MGAT3: variants seen among roughly 807,000 people sequenced by gnomAD.
MGAT3 encodes GlcNAc-T III.
A neutral mutation model predicts 29.8 loss-of-function variants in MGAT3; 9 were observed. The ratio of observed to expected loss-of-function variants is 0.30; its 90% CI spans 0.18 to 0.53. The LOEUF is 0.53. MGAT3 is among the 20% of genes least tolerant of loss of function. MGAT3 has a pLI of 0.96. For synonymous variants in MGAT3, 397 were observed against 348.9 expected (o/e 1.14, Z -1.54); for missense variants, 557 against 769.5 (o/e 0.72, Z 3.27).
Position 39,457,261 on chromosome 22 carries a change from G to A in MGAT3, c.-298G>A, listed in dbSNP as rs1371936324. 6.9e-6 allele frequency: 1 copy of A among 145,320 alleles called. No individual in the cohort carries two copies. The highest frequency in any genetic ancestry group is 2.0e-4 in the East Asian group (1 of 4,974). 9.0% of individuals were successfully genotyped at this position (145,320 alleles called of 1,614,324 possible). A position where few individuals can be genotyped will look rare whatever the true frequency, so the allele number is the denominator to read the frequency against. The stretch of plus-strand genomic sequence containing the variant: ...TCCGCGCCCCCCGCGCGCCCGCCGC[G>A]GTCCCTCCCCCGCGCCCGTCCGCTC... On this transcript the variant is annotated 5_prime_UTR_variant, in exon 1 of 2. Transcript: ENST00000341184. The surrounding 1 kb of genome is among the most constrained non-coding windows in gnomAD (Gnocchi z 6.8).
At chr22:39,472,671 G>A (rs1336289719) in intron 1 of MGAT3, 2 of 152,428 alleles carry the variant, frequency 1.3e-5, no homozygotes, top group Non-Finnish European at 2.9e-5. Flanking sequence ...GGAGACTGAG[G>A]CTGGAGAGGT....
intron 1 of MGAT3, among the ~76,000 whole-genome samples, chr22:39,465,819 C>G (rs1263889404): frequency 6.6e-6 from 1 of 151,754 alleles, no homozygotes; most frequent in African/African-American, 2.4e-5. Context: ...GTAATCTCAG[C>G]TACTCGGGAG....
Position 39,476,108 on chromosome 22 carries a change from C to T in MGAT3, c.-1-11239C>T, listed in dbSNP as rs978668319. ...TTGCCGGCCACTCCGTGGGAAAGTCCTCAGGCAGCCTGCAGGGAGCTGGGA... is the reference window on the plus strand; with the variant it reads ...TTGCCGGCCACTCCGTGGGAAAGTCTTCAGGCAGCCTGCAGGGAGCTGGGA... On this transcript the variant is annotated intron_variant, in intron 1 of 1. Coordinates refer to ENST00000341184, the MANE Select transcript of MGAT3 (RefSeq NM_002409.5). Among the ~76,000 whole-genome samples the T allele has an allele frequency of 3.3e-5, 5 of 151,732 alleles. No individual in the cohort carries two copies. The East Asian group carries it at 7.8e-4, about 24-fold the overall frequency.
Position 39,488,526 on chromosome 22 carries a change from A to G in MGAT3, c.1179A>G (p.Arg393=), listed in dbSNP as rs371172729. 14 of 1,613,260 alleles carry G rather than the reference A, an allele frequency of 8.7e-6. No homozygotes were observed. Among genetic ancestry groups the G allele is most frequent in the Non-Finnish European group, 1.2e-5 (14 of 1,180,010 alleles). Residue 393 remains arginine (R), a synonymous_variant, in exon 2 of 2, where the codon AGA becomes AGG. Transcript: ENST00000341184. ...RRQYYTMPNF[R]QYENRTGHIL... The stretch of plus-strand genomic sequence containing the variant: ...AGTACTACACCATGCCCAACTTCAG[A>G]CAGTATGAGAACCGCACCGGCCACA...
chr22:39,483,481 G>A (rs1040598913), intron 1 of MGAT3, among the ~76,000 whole-genome samples: 22 of 149,146 alleles, frequency 1.5e-4, no homozygotes, highest in African/African-American at 3.7e-4. Flanking sequence ...GCAAAACTCC[G>A]TCTCAAAAAA....
intron 1 of MGAT3, among the ~76,000 whole-genome samples, chr22:39,475,184 C>G (rs1386633493): frequency 2.1e-5 from 3 of 143,796 alleles, no homozygotes; most frequent in Non-Finnish European, 4.5e-5. Context: ...CAAAATCTTG[C>G]GAGGAGCTCA....
intron 1 of MGAT3, among the ~76,000 whole-genome samples, chr22:39,469,446 C>T (rs1435693532): frequency 6.6e-6 from 1 of 152,166 alleles, no homozygotes; most frequent in Non-Finnish European, 1.5e-5. Context: ...CCTCGCTGTC[C>T]CTCACTCCGT....
rs200714319 is a variant in MGAT3 at position 39,487,600 on chromosome 22, C to T, written c.253C>T (p.Pro85Ser). The T allele has an allele frequency of 2.1e-4, 332 of 1,611,340 alleles. 3 individuals are homozygous for T. The East Asian group carries it at 6.8e-3, about 33-fold the overall frequency. ...YSHSPLLQPL[P>S]PSKAAEELHR... ...CCACTCGCCCCTGCTGCAGCCGCTG[C>T]CGCCCAGCAAGGCGGCCGAGGAGCT... The change falls in exon 2 of 2, where the codon CCG becomes TCG. Residue 85 changes from proline (P) to serine (S), a missense_variant. Coordinates refer to ENST00000341184, the MANE Select transcript of MGAT3 (RefSeq NM_002409.5). This position sits in a 1 kb window ranked among gnomAD's most constrained non-coding sequence, Gnocchi z 5.7.
At chr22:39,468,489 C>T (rs1373154880) in intron 1 of MGAT3, among the ~76,000 whole-genome samples, 1 of 152,242 alleles carries the variant, frequency 6.6e-6, no homozygotes. Context: ...AGGCTCCAGT[C>T]ATTTCCTGTA....
Position 39,487,217 on chromosome 22 carries a change from C to A in MGAT3, c.-1-130C>A. On this transcript the variant is annotated intron_variant, in intron 1 of 1. Coordinates refer to ENST00000341184, the MANE Select transcript of MGAT3 (RefSeq NM_002409.5). The surrounding 1 kb of genome is among the most constrained non-coding windows in gnomAD (Gnocchi z 5.7). ...TGACTCTTGGGGGCAGGAGGTCACT[C>A]CATGCAGGGGCAGCAGGTGCTGGCC... 1.0e-6 allele frequency: 1 copy of A among 977,088 alleles called. No homozygotes were observed. Among genetic ancestry groups the A allele is most frequent in the Non-Finnish European group, 1.5e-6 (1 of 655,452 alleles). The allele number at this position is 977,088 out of a possible 1,614,324, so 60.5% of individuals were successfully genotyped here.
chr22:39,470,096 G>A lies in MGAT3; in HGVS notation c.-2+12539G>A, dbSNP rs916725771. 2.0e-5 allele frequency among the ~76,000 whole-genome samples: 3 copies of A among 152,374 alleles called. No individual in the cohort carries two copies. The South Asian group carries it at 6.2e-4, about 32-fold the overall frequency. ...GGGCTGACTTTGTCCTGGGGGGTGGGGAACAGTGGCGACCGAGGCCTGTGG... is the reference window on the plus strand; with the variant it reads ...GGGCTGACTTTGTCCTGGGGGGTGGAGAACAGTGGCGACCGAGGCCTGTGG... On this transcript the variant is annotated intron_variant, in intron 1 of 1. Transcript: ENST00000341184.
At chr22:39,466,926 G>A (rs1928664169) in intron 1 of MGAT3, among the ~76,000 whole-genome samples, 2 of 152,146 alleles carry the variant, frequency 1.3e-5, no homozygotes, top group Non-Finnish European at 1.5e-5. Context: ...TTTGTGCCCG[G>A]TACAGAGCAC....
In MGAT3 at chr22:39,457,982, C is replaced by T. The variant is rs1203695093; in HGVS notation, c.-2+425C>T. On this transcript the variant is annotated intron_variant, in intron 1 of 1. Transcript: ENST00000341184. The surrounding 1 kb of genome is among the most constrained non-coding windows in gnomAD (Gnocchi z 6.8). ...GAGGCCTCCGCGCCCGCCTTCCCCA[C>T]CCCCGACCCCAGACTGCGGCGGCGG... Among the ~76,000 whole-genome samples the T allele has an allele frequency of 1.3e-5, 2 of 151,988 alleles. No individual in the cohort carries two copies. The highest frequency in any genetic ancestry group is 1.9e-4 in the East Asian group (1 of 5,176).
chr22:39,489,502 T>C lies in MGAT3; in HGVS notation c.*553T>C, dbSNP rs1929393952. Reference sequence around the variant, plus strand: ...ACCAAGAGGAGGTGCTGAGGGATGCTTTGCAGTGTAGTCAGAAGTGCTGGG... The same window carrying C: ...ACCAAGAGGAGGTGCTGAGGGATGCCTTGCAGTGTAGTCAGAAGTGCTGGG... On this transcript the variant is annotated 3_prime_UTR_variant, in exon 2 of 2. Transcript: ENST00000341184. 5.7e-6 allele frequency: 1 copy of C among 174,338 alleles called. No homozygotes were observed. The highest frequency in any genetic ancestry group is 2.4e-5 in the African/African-American group (1 of 41,404). The allele number at this position is 174,338 out of a possible 1,614,324, so 10.8% of individuals were successfully genotyped here. A position where few individuals can be genotyped will look rare whatever the true frequency, so the allele number is the denominator to read the frequency against.
intron 1 of MGAT3, among the ~76,000 whole-genome samples, chr22:39,471,221 C>CA (rs1928800951): frequency 6.6e-6 from 1 of 152,126 alleles, no homozygotes; most frequent in East Asian, 1.9e-4. Flanking sequence ...TTCTCTTGTC[C>CA]AGATGGTCTG....
chr22:39,463,167 A>G lies in MGAT3; in HGVS notation c.-2+5610A>G, dbSNP rs75493387. On this transcript the variant is annotated intron_variant, in intron 1 of 1. Transcript: ENST00000341184. ...TGCTGCTCTTTATCAAGCACTTCCT[A>G]TGTGCTGGGCCCAGGGCCAACCAAC... 6.8e-3 allele frequency among the ~76,000 whole-genome samples: 1,032 copies of G among 152,276 alleles called. 8 individuals carry two copies. The highest frequency in any genetic ancestry group is 0.034 in the Middle Eastern group (10 of 294).
At chr22:39,467,514 T>C (rs1255602697) in intron 1 of MGAT3, among the ~76,000 whole-genome samples, 1 of 151,318 alleles carries the variant, frequency 6.6e-6, no homozygotes, top group Non-Finnish European at 1.5e-5. Context: ...GCTAAGAAGG[T>C]AGGAGTGGGC....
rs759601858 is a variant in MGAT3 at position 39,487,371 on chromosome 22, C to G, written c.24C>G (p.Leu8=). 1.2e-6 allele frequency: 2 copies of G among 1,613,284 alleles called. No individual in the cohort carries two copies. Among genetic ancestry groups the G allele is most frequent in the Admixed American group, 1.7e-5 (1 of 59,962 alleles). The part of the protein sequence containing the change: MKMRRYK[L]FLMFCMAGLC... ...GGATGAAGATGAGACGCTACAAGCT[C>G]TTTCTCATGTTCTGTATGGCCGGCC... is the stretch of plus-strand genomic sequence containing the variant. The change falls in exon 2 of 2, where the codon CTC becomes CTG. Residue 8 remains leucine, a synonymous_variant. Coordinates refer to ENST00000341184, the MANE Select transcript of MGAT3 (RefSeq NM_002409.5). This position sits in a 1 kb window ranked among gnomAD's most constrained non-coding sequence, Gnocchi z 5.7.
chr22:39,484,572 A>G (rs1207794919), intron 1 of MGAT3, among the ~76,000 whole-genome samples: 1 of 151,806 alleles, frequency 6.6e-6, no homozygotes, highest in South Asian at 2.1e-4. Flanking sequence ...AGGGTTTCAC[A>G]ATGTTGGCCA....
Sources: gnomAD v4.1 joint callset for allele counts (sites outside exome capture counted in the v4.1 genomes callset) on GRCh38, gnomAD v4.1.1 for gene constraint, Gnocchi (gnomAD v3.1) non-coding constraint, MANE v1.5 for transcripts, NCBI Gene and HGNC (gene_info 2026-07-23, HGNC 2026-07-21) for gene names.